Variants in SMYD3 observed in about 807,000 individuals in gnomAD.
SMYD3 encodes the protein SET and MYND domain containing 3.
A neutral mutation model predicts 57.7 loss-of-function variants in SMYD3; 36 were observed. That is an observed-to-expected ratio of 0.62 (90% confidence interval 0.48 to 0.82). SMYD3 has a LOEUF of 0.82. SMYD3 is among the 40% of genes least tolerant of loss of function. SMYD3 has a pLI of 0.00. For missense variants in SMYD3, 515 were observed against 538.8 expected (o/e 0.96, Z 0.44); for synonymous variants, 211 against 195.0 (o/e 1.08, Z -0.68).
At chr1:246,476,561 A>G (rs187547901) in intron 1 of SMYD3, among the ~76,000 whole-genome samples, 392 of 152,368 alleles carry the variant, frequency 2.6e-3, no homozygotes, top group African/African-American at 8.9e-3. Flanking sequence ...CTAAGCATCA[A>G]GAAAGGGGTG....
chr1:246,056,759 T>A (rs568542535), intron 5 of SMYD3, among the ~76,000 whole-genome samples: 1 of 148,706 alleles, frequency 6.7e-6, no homozygotes, highest in Admixed American at 6.9e-5. Flanking sequence ...CATAAATACA[T>A]GTAAACTAAA....
intron 8 of SMYD3, among the ~76,000 whole-genome samples, chr1:245,912,318 C>G (rs1196485137): frequency 1.3e-5 from 2 of 152,004 alleles, no homozygotes; most frequent in African/African-American, 4.8e-5. Flanking sequence ...GGTGAAAGGC[C>G]TCTGCAATAA....
chr1:246,226,015 G>T (rs76793705), intron 5 of SMYD3, among the ~76,000 whole-genome samples: 9,012 of 152,166 alleles, frequency 0.059, 433 homozygotes, highest in African/African-American at 0.12. Context: ...AGTCACCTTT[G>T]ACAAGATCGG....
intron 5 of SMYD3, among the ~76,000 whole-genome samples, chr1:246,001,468 C>T (rs943325478): frequency 1.3e-5 from 2 of 152,094 alleles, no homozygotes; most frequent in African/African-American, 4.8e-5. Context: ...TGGCTTCATC[C>T]TGGAAACCAT....
chr1:245,756,289 C>T (rs184139966), intron 11 of SMYD3, among the ~76,000 whole-genome samples: 1 of 151,682 alleles, frequency 6.6e-6, no homozygotes. Flanking sequence ...CCCTCCCCCA[C>T]TCCCCCATTT....
intron 5 of SMYD3, among the ~76,000 whole-genome samples, chr1:246,121,863 C>A (rs1234305871): frequency 6.6e-6 from 1 of 152,062 alleles, no homozygotes; most frequent in South Asian, 2.1e-4. Context: ...TATAGCAAAG[C>A]GATTACTACA....
chr1:246,330,573 T>G (rs1423931164), intron 3 of SMYD3, 36 bp from the exon 4 acceptor site: 18 of 1,553,874 alleles, frequency 1.2e-5, no homozygotes, highest in Non-Finnish European at 1.6e-5. Context: ...AATAACAATT[T>G]CAAGTGTTCC....
chr1:246,291,335 G>T (rs1202747805), intron 5 of SMYD3, among the ~76,000 whole-genome samples: 1 of 152,196 alleles, frequency 6.6e-6, no homozygotes, highest in Non-Finnish European at 1.5e-5. Flanking sequence ...GAGTTGCATG[G>T]AAAGTATAAT....
chr1:246,353,027 C>T (rs1346164753), intron 2 of SMYD3, among the ~76,000 whole-genome samples: 1 of 152,114 alleles, frequency 6.6e-6, no homozygotes, highest in Non-Finnish European at 1.5e-5. Flanking sequence ...GAATAAAACA[C>T]CTAGAACATC....
intron 4 of SMYD3, 79 bp downstream of exon 4, chr1:246,330,401 A>G (rs1366891560): frequency 1.8e-6 from 2 of 1,127,710 alleles, no homozygotes; most frequent in Non-Finnish European, 1.3e-6. Flanking sequence ...AGAAAAACAT[A>G]GTTAAAAATA....
Position 246,507,252 on chromosome 1 carries a change from G to A in SMYD3, c.-35C>T, listed in dbSNP as rs1382604807. ...GCTCCGGCACCTCAGACGGCTACCCGCGTCCAGCAGCGGGCGTCTCACGGG... is the reference window on the plus strand; with the variant it reads ...GCTCCGGCACCTCAGACGGCTACCCACGTCCAGCAGCGGGCGTCTCACGGG... On this transcript the variant is annotated 5_prime_UTR_variant, in exon 1 of 12. Coordinates refer to ENST00000490107, the MANE Select transcript of SMYD3 (RefSeq NM_001167740.2). 6.2e-6 allele frequency: 9 copies of A among 1,460,970 alleles called. No individual in the cohort carries two copies. The South Asian group carries it at 1.2e-4, about 20-fold the overall frequency. 90.5% of individuals were successfully genotyped at this position (1,460,970 alleles called of 1,614,324 possible).
intron 5 of SMYD3, among the ~76,000 whole-genome samples, chr1:246,218,296 G>C (rs1483456488): frequency 6.6e-6 from 1 of 152,086 alleles, no homozygotes; most frequent in Non-Finnish European, 1.5e-5. Flanking sequence ...TGGAGAGGGA[G>C]ATAAGAGAGA....
At chr1:246,271,259 C>A (rs1377005698) in intron 5 of SMYD3, among the ~76,000 whole-genome samples, 2 of 152,140 alleles carry the variant, frequency 1.3e-5, no homozygotes, top group African/African-American at 2.4e-5. Context: ...TACCTTTTAA[C>A]TGTTGATACT....
chr1:246,474,807 T>C (rs561443043), intron 1 of SMYD3, among the ~76,000 whole-genome samples: 2 of 152,240 alleles, frequency 1.3e-5, no homozygotes, highest in African/African-American at 4.8e-5. Context: ...CCCTTTCTCC[T>C]TCCCTCCCAC....
intron 2 of SMYD3, among the ~76,000 whole-genome samples, chr1:246,345,410 G>C (rs76598257): frequency 0.026 from 3,893 of 152,206 alleles, 77 homozygotes; most frequent in Non-Finnish European, 0.04. Flanking sequence ...CTGAATACAG[G>C]TTGAGTATGC....
At chr1:246,440,865 C>G (rs1430124823) in intron 1 of SMYD3, among the ~76,000 whole-genome samples, 1 of 152,090 alleles carries the variant, frequency 6.6e-6, no homozygotes, top group African/African-American at 2.4e-5. Context: ...CCTGGCATAC[C>G]CCGTCTTTTG....
At chr1:245,890,661 T>G (rs1018900813) in intron 8 of SMYD3, among the ~76,000 whole-genome samples, 1 of 152,214 alleles carries the variant, frequency 6.6e-6, no homozygotes, top group Non-Finnish European at 1.5e-5. Context: ...GAAAACTGTA[T>G]GAAGGGTCCT....
intron 1 of SMYD3, among the ~76,000 whole-genome samples, chr1:246,409,169 T>C (rs1242549021): frequency 1.3e-5 from 2 of 152,202 alleles, no homozygotes; most frequent in African/African-American, 4.8e-5. Flanking sequence ...ATGCAGAAGC[T>C]CTTTAGTTCA....
At chr1:245,770,644 T>G (rs1458825997) in intron 10 of SMYD3, among the ~76,000 whole-genome samples, 2 of 152,098 alleles carry the variant, frequency 1.3e-5, no homozygotes, top group African/African-American at 4.8e-5. Context: ...AGACAAGAAC[T>G]CTCTGAAAAC....
Sources: gnomAD v4.1 joint callset for allele counts (sites outside exome capture counted in the v4.1 genomes callset) on GRCh38, gnomAD v4.1.1 for gene constraint, MANE v1.5 for transcripts, NCBI Gene and HGNC (gene_info 2026-07-23, HGNC 2026-07-21) for gene names.